The following C16orf89 variants were observed in gnomAD, a reference collection of about 807,000 sequenced individuals.
The protein encoded by C16orf89 is chromosome 16 open reading frame 89.
C16orf89 carries 57 observed loss-of-function variants against 41.5 expected under a neutral mutation model. The ratio of observed to expected loss-of-function variants is 1.38; its 90% CI spans 1.11 to 1.71. C16orf89 has a LOEUF of 1.71. Among genes scored for constraint, C16orf89 ranks in the 40% most tolerant of loss-of-function variants. The pLI is 0.00. For missense variants in C16orf89, 575 were observed against 445.9 expected (o/e 1.29, Z -2.61); for synonymous variants, 223 against 190.6 (o/e 1.17, Z -1.40).
chr16:5,044,947 C>T lies in C16orf89; in HGVS notation c.956-469G>A, dbSNP rs138302523. The stretch of plus-strand genomic sequence containing the variant: ...GGCCCCTTTTGCTGGGCCGGGTGCT[C>T]TTCCGCCAGCTGCTAAGGGCTCCCT... On this transcript the variant is annotated intron_variant, in intron 7 of 7. Coordinates refer to ENST00000472572, the MANE Select transcript of C16orf89 (RefSeq NM_001098514.3). The T allele has an allele frequency of 6.2e-4, 753 of 1,207,750 alleles. 1 individual carries two copies. The highest frequency in any genetic ancestry group is 1.8e-3 in the Middle Eastern group (5 of 2,770). The allele number at this position is 1,207,750 out of a possible 1,614,324, so 74.8% of individuals were successfully genotyped here.
intron 6 of C16orf89, among the ~76,000 whole-genome samples, chr16:5,049,428 T>A (rs1050539159): frequency 4.6e-5 from 7 of 152,156 alleles, no homozygotes; most frequent in African/African-American, 1.7e-4. Flanking sequence ...CATGGAACAG[T>A]CTCCAAAATA....
chr16:5,044,829 G>GC (rs745715452), intron 7 of C16orf89: 116 of 1,239,970 alleles, frequency 9.4e-5, no homozygotes, highest in Middle Eastern at 6.8e-4. Context: ...GAGCAACAGA[G>GC]CGAGAATCTG....
At chr16:5,063,786 T>G (rs534705542) in intron 1 of C16orf89, among the ~76,000 whole-genome samples, 1 of 152,356 alleles carries the variant, frequency 6.6e-6, no homozygotes, top group East Asian at 1.9e-4. Flanking sequence ...CAACTGATTC[T>G]ACATTGTGGC....
intron 6 of C16orf89, among the ~76,000 whole-genome samples, chr16:5,048,763 C>G (rs1279647834): frequency 6.6e-6 from 1 of 151,570 alleles, no homozygotes; most frequent in Non-Finnish European, 1.5e-5. Flanking sequence ...GAGAAAAGCC[C>G]AAACAGCAGT....
At position 5,044,289 on chromosome 16, in the gene C16orf89, G is replaced by C. The variant is rs974402093; in HGVS notation, c.*59C>G. 6.6e-7 allele frequency: 1 copy of C among 1,511,840 alleles called. No individual in the cohort carries two copies. The highest frequency in any genetic ancestry group is 2.5e-4 in the Middle Eastern group (1 of 3,998). The allele number at this position is 1,511,840 out of a possible 1,614,324, so 93.7% of individuals were successfully genotyped here. A position where few individuals can be genotyped will look rare whatever the true frequency, so the allele number is the denominator to read the frequency against. ...GTGATCCGTGCCCTCCAGGATCTAA[G>C]GGATGAGGACTAAAGGGGTCTGTTC... On this transcript the variant is annotated 3_prime_UTR_variant, in exon 8 of 8. Coordinates refer to ENST00000472572, the MANE Select transcript of C16orf89 (RefSeq NM_001098514.3).
intron 4 of C16orf89, among the ~76,000 whole-genome samples, chr16:5,056,399 A>C (rs894369576): frequency 6.6e-6 from 1 of 152,186 alleles, no homozygotes; most frequent in African/African-American, 2.4e-5. Flanking sequence ...TCTGCCACTT[A>C]GGAGCAAACC....
chr16:5,055,938 C>T (rs1224350293), intron 5 of C16orf89, 115 bp downstream of exon 5: 15 of 908,448 alleles, frequency 1.7e-5, no homozygotes, highest in East Asian at 1.0e-4. Context: ...CTGGCAACTC[C>T]GTGTGTGTGT....
At chr16:5,060,790 C>T (rs1053315121) in intron 2 of C16orf89, among the ~76,000 whole-genome samples, 1 of 151,764 alleles carries the variant, frequency 6.6e-6, no homozygotes, top group Non-Finnish European at 1.5e-5. Context: ...GCTTGAGGCC[C>T]AACGTTCAAG....
intron 6 of C16orf89, among the ~76,000 whole-genome samples, chr16:5,053,056 A>T (rs367621156): frequency 6.6e-6 from 1 of 152,200 alleles, no homozygotes; most frequent in East Asian, 1.9e-4. Context: ...CCTTCCTCGT[A>T]TGTGGAAGCT....
intron 2 of C16orf89, among the ~76,000 whole-genome samples, chr16:5,061,054 AG>A (rs1212620798): frequency 1.4e-5 from 2 of 147,356 alleles, no homozygotes; most frequent in East Asian, 4.3e-4. Flanking sequence ...TGAGGTCAGG[AG>A]TTCAAGACCA....
chr16:5,050,292 C>T (rs1015465553), intron 6 of C16orf89, among the ~76,000 whole-genome samples: 23 of 151,710 alleles, frequency 1.5e-4, no homozygotes, highest in Admixed American at 1.4e-3. Flanking sequence ...CACTTGAACC[C>T]GGGAGGTGGA....
chr16:5,050,038 A>G (rs1956369383), intron 6 of C16orf89, among the ~76,000 whole-genome samples: 1 of 152,202 alleles, frequency 6.6e-6, no homozygotes, highest in African/African-American at 2.4e-5. Context: ...AATACAAAGG[A>G]TCATTAGAGA....
chr16:5,055,516 C>T (rs1956480144), intron 5 of C16orf89, 166 bp from the exon 6 acceptor site: 1 of 959,218 alleles, frequency 1.0e-6, no homozygotes. Flanking sequence ...CTTTGCCTGA[C>T]CAACTAGGGG....
chr16:5,062,132 C>T (rs189975428), intron 2 of C16orf89, among the ~76,000 whole-genome samples: 13 of 152,334 alleles, frequency 8.5e-5, no homozygotes, highest in Admixed American at 5.9e-4. Context: ...CCAGCCTCTC[C>T]GCTCTAGTCT....
At chr16:5,062,601 C>T (rs745464042) in intron 1 of C16orf89, 27 bp from the exon 2 acceptor site, 13 of 1,547,068 alleles carry the variant, frequency 8.4e-6, no homozygotes, top group Non-Finnish European at 1.1e-5. Flanking sequence ...TTAATTCATT[C>T]AACTATTTGG....
Position 5,047,976 on chromosome 16 carries a change from G to T in C16orf89, c.869-12C>A. Reference sequence around the variant, plus strand: ...TTCATCTTCAGCATCTGGGAGAAGAGCAAAAGTTGAACTTCTCAAGAGAGA... The same window carrying T: ...TTCATCTTCAGCATCTGGGAGAAGATCAAAAGTTGAACTTCTCAAGAGAGA... On this transcript the variant is annotated splice_polypyrimidine_tract_variant and intron_variant, in intron 6 of 7. Transcript: ENST00000472572. 1 of 1,428,982 alleles carries T rather than the reference G, an allele frequency of 7.0e-7. No individual in the cohort carries two copies. The highest frequency in any genetic ancestry group is 9.8e-7 in the Non-Finnish European group (1 of 1,015,314). The allele number at this position is 1,428,982 out of a possible 1,614,324, so 88.5% of individuals were successfully genotyped here. A position where few individuals can be genotyped will look rare whatever the true frequency, so the allele number is the denominator to read the frequency against.
intron 2 of C16orf89, 86 bp downstream of exon 2, chr16:5,062,339 C>G: frequency 6.8e-7 from 1 of 1,460,552 alleles, no homozygotes; most frequent in Non-Finnish European, 9.2e-7. Flanking sequence ...CCAGCCTTGC[C>G]CCAGGAGAGC....
At chr16:5,051,357 G>T (rs76768456) in intron 6 of C16orf89, among the ~76,000 whole-genome samples, 1,914 of 152,176 alleles carry the variant, frequency 0.013, 22 homozygotes, top group African/African-American at 0.038. Flanking sequence ...CAACAAAGTT[G>T]CAGAATACAG....
intron 1 of C16orf89, among the ~76,000 whole-genome samples, chr16:5,063,431 G>C (rs1272578727): frequency 6.6e-6 from 1 of 152,168 alleles, no homozygotes. Context: ...GGTCTACAAA[G>C]TCCAATAGGA....
Sources: gnomAD v4.1 joint callset for allele counts (sites outside exome capture counted in the v4.1 genomes callset) on GRCh38, gnomAD v4.1.1 for gene constraint, MANE v1.5 for transcripts, NCBI Gene and HGNC (gene_info 2026-07-23, HGNC 2026-07-21) for gene names.